The following SLC26A9 variants were observed in gnomAD, a reference collection of about 807,000 sequenced individuals.
SLC26A9 encodes solute carrier family 26 member 9, also known as anion transporter/exchanger protein 9.
A neutral mutation model predicts 87.1 loss-of-function variants in SLC26A9; 46 were observed. That is an observed-to-expected ratio of 0.53 (90% confidence interval 0.42 to 0.67). The LOEUF (loss-of-function observed/expected upper bound fraction) is 0.67. Among genes scored for constraint, SLC26A9 ranks in the 30% least tolerant of loss-of-function variants. SLC26A9 has a pLI of 0.00. For missense variants in SLC26A9, 927 were observed against 1,018.3 expected (o/e 0.91, Z 1.22); for synonymous variants, 437 against 409.1 (o/e 1.07, Z -0.82).
chr1:205,923,718 C>T, intron 13 of SLC26A9, 105 bp from the exon 14 acceptor site: 1 of 1,199,766 alleles, frequency 8.3e-7, no homozygotes, highest in Non-Finnish European at 1.2e-6. Flanking sequence ...GGATGGGGTC[C>T]TGTCCTCACC....
intron 19 of SLC26A9, among the ~76,000 whole-genome samples, chr1:205,917,753 A>G (rs541678090): frequency 6.6e-6 from 1 of 152,240 alleles, no homozygotes; most frequent in East Asian, 1.9e-4. Context: ...GTGTGTGTTT[A>G]TGTGTGTGAT....
intron 5 of SLC26A9, 163 bp from the exon 6 acceptor site, chr1:205,930,219 G>A (rs938064818): frequency 6.5e-6 from 4 of 614,582 alleles, no homozygotes; most frequent in Admixed American, 6.5e-5. Flanking sequence ...CCTTCACTGT[G>A]CTCTACATGG....
At chr1:205,938,161 C>T (rs1659595184) in intron 1 of SLC26A9, among the ~76,000 whole-genome samples, 1 of 151,926 alleles carries the variant, frequency 6.6e-6, no homozygotes, top group Non-Finnish European at 1.5e-5. Context: ...CTTCCTGCCA[C>T]CCAGCCCACC....
chr1:205,933,703 C>T (rs1333927524), intron 2 of SLC26A9, among the ~76,000 whole-genome samples: 2 of 152,310 alleles, frequency 1.3e-5, no homozygotes, highest in East Asian at 3.9e-4. Flanking sequence ...AAAAGGAAGG[C>T]TCTATTGTTC....
rs891704074 is a variant in SLC26A9, at chr1:205,913,299, A to G, written c.*2058T>C. The G allele has an allele frequency of 3.9e-5, 6 of 152,176 alleles. No individual in the cohort carries two copies. The highest frequency in any genetic ancestry group is 1.4e-4 in the African/African-American group (6 of 41,398). The allele number at this position is 152,176 out of a possible 1,614,324, so 9.4% of individuals were successfully genotyped here. A position where few individuals can be genotyped will look rare whatever the true frequency, so the allele number is the denominator to read the frequency against. ...TTCTTTTCCAAATATTCCAGCAGAG[A>G]TGTTTTCTTCAATGTCTTCCCTCTG... On this transcript the variant is annotated 3_prime_UTR_variant, in exon 21 of 21. Coordinates refer to ENST00000367135, the MANE Select transcript of SLC26A9 (RefSeq NM_052934.4).
intron 1 of SLC26A9, among the ~76,000 whole-genome samples, chr1:205,941,287 G>C (rs761505768): frequency 7.9e-4 from 120 of 152,128 alleles, no homozygotes; most frequent in Admixed American, 1.6e-3. Context: ...TCCTGCCTCA[G>C]CCTCCCTAGG....
At chr1:205,929,182 C>A in intron 7 of SLC26A9, 22 bp downstream of exon 7, 1 of 1,604,702 alleles carries the variant, frequency 6.2e-7, no homozygotes, top group South Asian at 1.1e-5. Flanking sequence ...CCCAACATCC[C>A]AGCTCTGAAC....
In SLC26A9 at chr1:205,914,773, TAGTTACC is replaced by T; in HGVS notation, c.*577_*583del. ...TTGGGGATGATGGAGGGGGGGCGCA[TAGTTACC>T]AAGGCCTAGACTCCTGGGTGTGGAG... On this transcript the variant is annotated 3_prime_UTR_variant, in exon 21 of 21. Transcript: ENST00000367135. 1.5e-6 allele frequency: 2 copies of T among 1,298,846 alleles called. No homozygotes were observed. The highest frequency in any genetic ancestry group is 1.1e-6 in the Non-Finnish European group (1 of 939,036). The allele number at this position is 1,298,846 out of a possible 1,614,324, so 80.5% of individuals were successfully genotyped here. A position where few individuals can be genotyped will look rare whatever the true frequency, so the allele number is the denominator to read the frequency against.
At chr1:205,927,668 G>T in intron 9 of SLC26A9, 63 bp from the exon 10 acceptor site, 1 of 1,500,590 alleles carries the variant, frequency 6.7e-7, no homozygotes, top group Non-Finnish European at 9.1e-7. Flanking sequence ...ACCAAGTGCA[G>T]TCAGGCATGC....
At position 205,923,332 on chromosome 1, in the gene SLC26A9, T is replaced by C. The variant is rs763135143; in HGVS notation, c.1659+3A>G. 3 of 1,614,054 alleles carry C rather than the reference T, an allele frequency of 1.9e-6. No individual in the cohort carries two copies. The highest frequency in any genetic ancestry group is 3.3e-5 in the Admixed American group (2 of 60,012). On this transcript the variant is annotated splice_donor_region_variant and intron_variant, in intron 15 of 20. Coordinates refer to ENST00000367135, the MANE Select transcript of SLC26A9 (RefSeq NM_052934.4). ...CCTCTGGTCGCCAGGGACTGAGCCT[T>C]ACCTTGGCGATGACCTTTTGCCTGA...
chr1:205,925,582 C>A (rs751493575), intron 12 of SLC26A9, among the ~76,000 whole-genome samples: 1 of 152,152 alleles, frequency 6.6e-6, no homozygotes, highest in African/African-American at 2.4e-5. Context: ...CTCTGGGTGA[C>A]CACAGATGAG....
At chr1:205,931,269 A>G (rs1028361839) in intron 5 of SLC26A9, among the ~76,000 whole-genome samples, 6 of 152,162 alleles carry the variant, frequency 3.9e-5, no homozygotes, top group Non-Finnish European at 5.9e-5. Flanking sequence ...ATGCTGGCAG[A>G]GAGTTGGGTT....
chr1:205,931,829 C>T, intron 5 of SLC26A9, 31 bp downstream of exon 5: 2 of 1,600,778 alleles, frequency 1.2e-6, no homozygotes, highest in Non-Finnish European at 1.7e-6. Flanking sequence ...GTCTGATGCC[C>T]TTCTAGCAGG....
In SLC26A9 at chr1:205,929,953, AC is replaced by A; in HGVS notation, c.655del (p.Val219CysfsTer8). The A allele has an allele frequency of 6.2e-7, 1 of 1,613,988 alleles. No homozygotes were observed. Among genetic ancestry groups the A allele is most frequent in the African/African-American group, 1.3e-5 (1 of 75,054 alleles). ...GGTCAGTCCGAAGATGTACTTGAGC[AC>A]CGAAATCAGGATCTGCAGGCCGGCG... Reference protein sequence around the residue: ...TAAGLQILISVLKYIFGLTIP... With the variant: ...TAAGLQILISXLKYIFGLTIP... On this transcript the variant is annotated frameshift_variant, in exon 6 of 21. Coordinates refer to ENST00000367135, the MANE Select transcript of SLC26A9 (RefSeq NM_052934.4). LOFTEE classifies it high-confidence loss of function.
At chr1:205,938,336 C>G (rs946541790) in intron 1 of SLC26A9, among the ~76,000 whole-genome samples, 1 of 151,966 alleles carries the variant, frequency 6.6e-6, no homozygotes, top group Non-Finnish European at 1.5e-5. Context: ...CACCCTGTCC[C>G]ATTGCCTCCC....
At chr1:205,930,241 C>A (rs1659251818) in intron 5 of SLC26A9, 185 bp from the exon 6 acceptor site, 2 of 491,886 alleles carry the variant, frequency 4.1e-6, no homozygotes, top group Non-Finnish European at 3.4e-6. Flanking sequence ...TGCCATCAGA[C>A]CTTCAGCTCC....
chr1:205,924,585 A>G, intron 12 of SLC26A9, 96 bp from the exon 13 acceptor site: 1 of 979,696 alleles, frequency 1.0e-6, no homozygotes, highest in South Asian at 1.6e-5. Context: ...CTGTTAGTAC[A>G]ACCTCAGAGC....
intron 18 of SLC26A9, 97 bp downstream of exon 18, chr1:205,920,079 T>A: frequency 7.0e-7 from 1 of 1,420,520 alleles, no homozygotes; most frequent in African/African-American, 1.4e-5. Context: ...CTGGGTGCTC[T>A]CGTTTCCAAC....
At chr1:205,927,443 C>A in intron 10 of SLC26A9, 49 bp downstream of exon 10, 1 of 1,585,572 alleles carries the variant, frequency 6.3e-7, no homozygotes, top group Non-Finnish European at 8.6e-7. Context: ...TTTTTTGGGG[C>A]AACTGTTCTC....
Sources: gnomAD v4.1 joint callset for allele counts (sites outside exome capture counted in the v4.1 genomes callset) on GRCh38, gnomAD v4.1.1 for gene constraint, MANE v1.5 for transcripts, NCBI Gene and HGNC (gene_info 2026-07-23, HGNC 2026-07-21) for gene names.